Variants in EPB41 observed in about 807,000 individuals in gnomAD.
EPB41 encodes the protein erythrocyte membrane protein band 4.1, also known as protein 4.1.
EPB41 carries 65 observed loss-of-function variants against 108.0 expected under a neutral mutation model. The observed-to-expected ratio is 0.60, with a 90% confidence interval of 0.49 to 0.74. EPB41 has a LOEUF of 0.74. EPB41 is among the 30% of genes least tolerant of loss of function. The probability of loss-of-function intolerance (pLI) is 0.00; values close to 1 mark genes in which losing one functional copy is unlikely to be tolerated. For synonymous variants in EPB41, 336 were observed against 358.9 expected (o/e 0.94, Z 0.72); for missense variants, 875 against 1,037.0 (o/e 0.84, Z 2.15).
At chr1:28,960,520 G>A (rs1232161041) in intron 1 of EPB41, among the ~76,000 whole-genome samples, 1 of 141,956 alleles carries the variant, frequency 7.0e-6, no homozygotes, top group African/African-American at 2.6e-5. Context: ...TTGAGCGCAG[G>A]AGTTTGAGAC....
intron 16 of EPB41, among the ~76,000 whole-genome samples, chr1:29,092,511 GT>G (rs1661635065): frequency 6.6e-6 from 1 of 152,158 alleles, no homozygotes; most frequent in Non-Finnish European, 1.5e-5. Context: ...ACATGCAGAT[GT>G]CACTTGCCAT....
chr1:28,922,356 G>A (rs769101199), intron 1 of EPB41, among the ~76,000 whole-genome samples: 43 of 152,178 alleles, frequency 2.8e-4, no homozygotes, highest in Non-Finnish European at 5.6e-4. Context: ...GTAAAGGAGA[G>A]CTACTTAAGG....
chr1:29,077,388 T>C (rs531316257), intron 16 of EPB41, among the ~76,000 whole-genome samples: 1 of 151,700 alleles, frequency 6.6e-6, no homozygotes, highest in South Asian at 2.1e-4. Flanking sequence ...CTGGGCAACA[T>C]AGCAAGACCC....
intron 17 of EPB41, among the ~76,000 whole-genome samples, chr1:29,098,906 C>T (rs1284515234): frequency 6.6e-6 from 1 of 150,952 alleles, no homozygotes; most frequent in East Asian, 2.0e-4. Context: ...TTGTATTTTT[C>T]GTAGAGTTGG....
rs540538178 is a variant in EPB41 at position 29,096,256 on chromosome 1, T to A, written c.2185-1551T>A. On this transcript the variant is annotated intron_variant, in intron 16 of 20. Transcript: ENST00000343067. ...AGGGTCCCAAGCATTCGGTAGTTCC[T>A]AGTAAAAGCCAGATGACCACCTCGT... The A allele has an allele frequency of 6.3e-5, 62 of 985,862 alleles. No individual in the cohort carries two copies. The African/African-American group carries it at 9.4e-4, about 15-fold the overall frequency. The allele number at this position is 985,862 out of a possible 1,614,324, so 61.1% of individuals were successfully genotyped here.
chr1:29,114,680 C>T (rs957436218), intron 19 of EPB41, among the ~76,000 whole-genome samples: 1 of 147,944 alleles, frequency 6.8e-6, no homozygotes, highest in African/African-American at 2.5e-5. Flanking sequence ...TCACTACCTA[C>T]TAGCTATGAA....
intron 11 of EPB41, 116 bp from the exon 12 acceptor site, chr1:29,052,988 T>C: frequency 1.8e-6 from 2 of 1,134,690 alleles, no homozygotes; most frequent in Non-Finnish European, 2.6e-6. Context: ...GATAGCCCAC[T>C]ACACACTCTA....
rs551830856 is a variant in EPB41, at chr1:28,962,525, A to G, written c.-7-24906A>G. ...TATCACTACTATCTTATTCCAGCAC[A>G]TTTTTGTCACCCCAGCAAGAAACTC... On this transcript the variant is annotated intron_variant, in intron 1 of 20. Transcript: ENST00000343067. 1.3e-3 allele frequency among the ~76,000 whole-genome samples: 196 copies of G among 152,154 alleles called. 1 individual carries two copies. The highest frequency in any genetic ancestry group is 4.6e-3 in the African/African-American group (190 of 41,512).
At chr1:29,044,723 A>T (rs1474737731) in intron 11 of EPB41, among the ~76,000 whole-genome samples, 2 of 152,154 alleles carry the variant, frequency 1.3e-5, no homozygotes, top group Non-Finnish European at 2.9e-5. Context: ...ATGGTGGCAC[A>T]TGCCTGAATT....
chr1:29,115,482 G>T lies in EPB41; in HGVS notation c.2497-217G>T, dbSNP rs1470848552. The stretch of plus-strand genomic sequence containing the variant: ...GTCCCTCTCCAGTTCCTAGAAGACA[G>T]CGCTAACCTTCCCTGTCCCTGTGTT... On this transcript the variant is annotated intron_variant, in intron 19 of 20. Coordinates refer to ENST00000343067, the MANE Select transcript of EPB41 (RefSeq NM_001376013.1). This position sits in a 1 kb window ranked among gnomAD's most constrained non-coding sequence, Gnocchi z 4.4. Among the ~76,000 whole-genome samples the T allele has an allele frequency of 2.0e-5, 3 of 152,148 alleles. No homozygotes were observed. Among genetic ancestry groups the T allele is most frequent in the Non-Finnish European group, 1.5e-5 (1 of 68,016 alleles).
intron 6 of EPB41, 149 bp downstream of exon 6, chr1:29,015,916 G>C (rs1337370163): frequency 1.6e-6 from 1 of 608,936 alleles, no homozygotes; most frequent in Non-Finnish European, 2.9e-6. Context: ...AAAGTTTCTG[G>C]TCACTTCAAG....
At chr1:28,925,110 C>T (rs2093367009) in intron 1 of EPB41, among the ~76,000 whole-genome samples, 1 of 152,078 alleles carries the variant, frequency 6.6e-6, no homozygotes, top group Non-Finnish European at 1.5e-5. Flanking sequence ...GGACTACAAG[C>T]ACCCACCACC....
chr1:29,028,928 G>T (rs941399524), intron 7 of EPB41, among the ~76,000 whole-genome samples: 1 of 151,966 alleles, frequency 6.6e-6, no homozygotes, highest in Admixed American at 6.6e-5. Flanking sequence ...TGTAGACCCA[G>T]CTACTCAGGA....
Position 29,048,318 on chromosome 1 carries a change from A to G in EPB41, c.1637-4786A>G, listed in dbSNP as rs572147608. Among the ~76,000 whole-genome samples the G allele has an allele frequency of 4.1e-3, 620 of 150,818 alleles. 5 individuals carry two copies. The highest frequency in any genetic ancestry group is 3.4e-3 in the Non-Finnish European group (231 of 67,572). ...CAACCTCTGCCTCCCAGGTTCAAAC[A>G]ATTCTCCTGCCTCAGCCTCCCGAGT... On this transcript the variant is annotated intron_variant, in intron 11 of 20. Transcript: ENST00000343067.
At chr1:28,913,176 C>T (rs1339122390), upstream of EPB41, among the ~76,000 whole-genome samples, 1 of 151,790 alleles carries the variant, frequency 6.6e-6, no homozygotes, top group Non-Finnish European at 1.5e-5. Context: ...CAGCCGGGCG[C>T]GGTGGCTCAA....
chr1:29,100,190 T>G (rs1487801686), intron 17 of EPB41, among the ~76,000 whole-genome samples: 1 of 151,576 alleles, frequency 6.6e-6, no homozygotes, highest in Non-Finnish European at 1.5e-5. Context: ...TGTGCATTGC[T>G]GGGTGTGGTG....
At chr1:28,895,056 C>T (rs1193715464) in intron 1 of EPB41, among the ~76,000 whole-genome samples, 1 of 152,108 alleles carries the variant, frequency 6.6e-6, no homozygotes, top group African/African-American at 2.4e-5. Context: ...TTCTGTAACC[C>T]CTTCTCTGCC....
intron 1 of EPB41, among the ~76,000 whole-genome samples, chr1:28,903,916 G>T (rs2147935024): frequency 6.6e-6 from 1 of 151,860 alleles, no homozygotes; most frequent in East Asian, 2.0e-4. Context: ...GCCCAGGCTG[G>T]AGTGCAGTGG....
chr1:28,949,363 A>G lies in EPB41; in HGVS notation c.-8+34595A>G, dbSNP rs1245357837. Among the ~76,000 whole-genome samples, 16 of 152,156 alleles carry G rather than the reference A, an allele frequency of 1.1e-4. No homozygotes were observed. In the East Asian group the frequency reaches 3.1e-3, roughly 30 times the overall value. ...GGAGGTTAAGGTGGGAGATTGTTGGAGCCTGGATCAAGGTTGCTGTGAGCC... is the reference window on the plus strand; with the variant it reads ...GGAGGTTAAGGTGGGAGATTGTTGGGGCCTGGATCAAGGTTGCTGTGAGCC... On this transcript the variant is annotated intron_variant, in intron 1 of 20. Transcript: ENST00000343067.
Sources: allele counts gnomAD v4.1 joint callset (sites outside exome capture counted in the v4.1 genomes callset), GRCh38; gene constraint gnomAD v4.1.1; non-coding constraint Gnocchi (gnomAD v3.1); transcripts MANE v1.5; gene names NCBI Gene and HGNC (gene_info 2026-07-23, HGNC 2026-07-21).